GALNT9: variants seen among roughly 807,000 people sequenced by gnomAD.
GALNT9 encodes the protein polypeptide N-acetylgalactosaminyltransferase 9, also known as GalNAc transferase 9.
A neutral mutation model predicts 63.1 loss-of-function variants in GALNT9; 47 were observed. The observed-to-expected ratio is 0.75, with a 90% CI of 0.59 to 0.95. The LOEUF is 0.95. GALNT9 is among the 40% of genes least tolerant of loss of function. The probability of loss-of-function intolerance (pLI) is 0.00; values close to 1 mark genes in which losing one functional copy is unlikely to be tolerated. For missense variants in GALNT9, 829 were observed against 874.8 expected (o/e 0.95, Z 0.66); for synonymous variants, 396 against 365.7 (o/e 1.08, Z -0.94).
In GALNT9 at chr12:132,315,181, G is replaced by A. The variant is rs1288160789; in HGVS notation, c.238+13785C>T. On this transcript the variant is annotated intron_variant, in intron 1 of 10. Coordinates refer to ENST00000328957, the MANE Select transcript of GALNT9 (RefSeq NM_001122636.2). This position sits in a 1 kb window ranked among gnomAD's most constrained non-coding sequence, Gnocchi z 6.1. Reference sequence around the variant, plus strand: ...CATTTTAACCACAAGGCTCTGCACCGAGCAACTAAGATAATCAGGGTGGCC... The same window carrying A: ...CATTTTAACCACAAGGCTCTGCACCAAGCAACTAAGATAATCAGGGTGGCC... Among the ~76,000 whole-genome samples, 3 of 152,192 alleles carry A rather than the reference G, an allele frequency of 2.0e-5. No homozygotes were observed. The highest frequency in any genetic ancestry group is 6.5e-5 in the Admixed American group (1 of 15,284).
At chr12:132,293,505 C>A (rs1372493801) in intron 1 of GALNT9, among the ~76,000 whole-genome samples, 1 of 152,220 alleles carries the variant, frequency 6.6e-6, no homozygotes, top group Non-Finnish European at 1.5e-5. Flanking sequence ...GCATTTCCTG[C>A]GAGGCGTATC....
At chr12:132,269,729 T>G (rs2135550181) in intron 2 of GALNT9, among the ~76,000 whole-genome samples, 2 of 152,314 alleles carry the variant, frequency 1.3e-5, no homozygotes, top group African/African-American at 4.8e-5. Context: ...GGGGCAGGTC[T>G]CAGACGCGTG....
intron 6 of GALNT9, among the ~76,000 whole-genome samples, chr12:132,209,525 GA>G (rs1767569630): frequency 6.6e-6 from 1 of 152,130 alleles, no homozygotes; most frequent in East Asian, 1.9e-4. Flanking sequence ...ACTCCAGCCT[GA>G]GTGACAGAGC....
At chr12:132,243,958 G>T (rs1555237775) in intron 6 of GALNT9, among the ~76,000 whole-genome samples, 1 of 152,044 alleles carries the variant, frequency 6.6e-6, no homozygotes, top group African/African-American at 2.4e-5. Context: ...ACCCTACTGG[G>T]CTCAACAGTA....
rs1380236352 is a variant in GALNT9, at chr12:132,197,237, C to T, written c.1682G>A (p.Ser561Asn). 5.6e-6 allele frequency: 9 copies of T among 1,612,510 alleles called. No individual in the cohort carries two copies. The highest frequency in any genetic ancestry group is 7.6e-6 in the Non-Finnish European group (9 of 1,179,842). The change falls in exon 11 of 11, where the codon AGC becomes AAC. Residue 561 changes from serine to asparagine, a missense_variant. Coordinates refer to ENST00000328957, the MANE Select transcript of GALNT9 (RefSeq NM_001122636.2). ...WDFTQSGPIV[S>N]RATGRCLEVE... is the part of the protein sequence containing the mutation. ...CTCCAGGCAGCGGCCCGTGGCCCGG[C>T]TCACAATGGGGCCACTCTGTGGGGA...
chr12:132,206,603 C>T (rs1876710540), intron 6 of GALNT9, among the ~76,000 whole-genome samples: 1 of 150,836 alleles, frequency 6.6e-6, no homozygotes, highest in East Asian at 1.9e-4. Flanking sequence ...GCTGAGATCA[C>T]ACCACTGCAC....
rs1565998458 is a variant in GALNT9, at chr12:132,246,353, A to G, written c.1077+1557T>C. On this transcript the variant is annotated intron_variant, in intron 6 of 10. Transcript: ENST00000328957. The surrounding 1 kb of genome is among the most constrained non-coding windows in gnomAD (Gnocchi z 4.7). ...CCTTCACAGATCTGGTCTCAATTCA[A>G]TTTATTAAACTAGATATTTTAAAGC... Among the ~76,000 whole-genome samples the G allele has an allele frequency of 6.6e-6, 1 of 152,216 alleles. No individual in the cohort carries two copies. The highest frequency in any genetic ancestry group is 6.5e-5 in the Admixed American group (1 of 15,278).
intron 1 of GALNT9, among the ~76,000 whole-genome samples, chr12:132,297,388 GATAACCAACTCACTCCTACA>G: frequency 6.7e-6 from 1 of 149,896 alleles, no homozygotes; most frequent in African/African-American, 2.5e-5. Flanking sequence ...TCACTCCCAT[GATAACCAACTCACTCCTACA>G]ATAACCAACT....
Position 132,296,377 on chromosome 12 carries a change from C to T in GALNT9, c.239-9947G>A, listed in dbSNP as rs1164121351. Among the ~76,000 whole-genome samples the T allele has an allele frequency of 6.6e-6, 1 of 152,258 alleles. No individual in the cohort carries two copies. Among genetic ancestry groups the T allele is most frequent in the Non-Finnish European group, 1.5e-5 (1 of 68,038 alleles). ...ATGCCCACGCTCACCACCCCATCCA[C>T]TGATGGCCCAGCTGTGGGCTCTTCC... On this transcript the variant is annotated intron_variant, in intron 1 of 10. Transcript: ENST00000328957. The surrounding 1 kb of genome is among the most constrained non-coding windows in gnomAD (Gnocchi z 4.2).
intron 6 of GALNT9, chr12:132,240,822 C>A (rs1440344727): frequency 4.4e-5 from 18 of 413,024 alleles, no homozygotes; most frequent in Non-Finnish European, 7.3e-5. Flanking sequence ...CTTCCCAAGG[C>A]CGTCCCTATA....
chr12:132,301,838 T>C (rs1555243865), intron 1 of GALNT9, among the ~76,000 whole-genome samples: 1 of 152,248 alleles, frequency 6.6e-6, no homozygotes, highest in Non-Finnish European at 1.5e-5. Context: ...TGGAGGGGTC[T>C]GCATTTTGCT....
At chr12:132,212,064 T>C (rs953630543) in intron 6 of GALNT9, among the ~76,000 whole-genome samples, 17 of 152,292 alleles carry the variant, frequency 1.1e-4, no homozygotes, top group African/African-American at 2.9e-4. Flanking sequence ...CAGCCAGGCA[T>C]TGAGAGAAAA....
At chr12:132,221,653 G>A (rs1239744476) in intron 6 of GALNT9, among the ~76,000 whole-genome samples, 2 of 25,762 alleles carry the variant, frequency 7.8e-5, no homozygotes, top group Non-Finnish European at 1.5e-4. Context: ...AGAGTGAGAC[G>A]TTCTCAAAAA....
At chr12:132,208,360 C>T (rs1053294522) in intron 6 of GALNT9, among the ~76,000 whole-genome samples, 12 of 152,244 alleles carry the variant, frequency 7.9e-5, no homozygotes, top group Non-Finnish European at 1.2e-4. Flanking sequence ...TGGCACTCTG[C>T]ACTGAGAGCA....
intron 2 of GALNT9, among the ~76,000 whole-genome samples, chr12:132,272,168 C>T (rs782346571): frequency 5.6e-4 from 85 of 152,354 alleles, no homozygotes; most frequent in Non-Finnish European, 5.6e-4. Context: ...GTGGGCCACG[C>T]CTGCTCATCA....
chr12:132,302,003 C>A (rs917556260), intron 1 of GALNT9, among the ~76,000 whole-genome samples: 1 of 152,098 alleles, frequency 6.6e-6, no homozygotes, highest in Non-Finnish European at 1.5e-5. Flanking sequence ...GAGGGGCTCA[C>A]GTGTTTATCA....
At chr12:132,269,991 GCT>G (rs1354592549) in intron 2 of GALNT9, among the ~76,000 whole-genome samples, 1 of 152,238 alleles carries the variant, frequency 6.6e-6, no homozygotes, top group Non-Finnish European at 1.5e-5. Context: ...TCGGTCTCCA[GCT>G]CTGTCTCAGG....
At chr12:132,326,563 C>CGCTCCT (rs1218767864) in intron 1 of GALNT9, among the ~76,000 whole-genome samples, 10 of 152,326 alleles carry the variant, frequency 6.6e-5, no homozygotes, top group African/African-American at 2.4e-4. Flanking sequence ...GTGGCCCTCC[C>CGCTCCT]GCTCCTCCAG....
At chr12:132,266,542 G>T (rs1879604759) in intron 2 of GALNT9, among the ~76,000 whole-genome samples, 1 of 152,198 alleles carries the variant, frequency 6.6e-6, no homozygotes, top group African/African-American at 2.4e-5. Flanking sequence ...GACTCGAATG[G>T]CACGGCCACG....
Sources: allele counts gnomAD v4.1 joint callset (sites outside exome capture counted in the v4.1 genomes callset), GRCh38; gene constraint gnomAD v4.1.1; non-coding constraint Gnocchi (gnomAD v3.1); transcripts MANE v1.5; gene names NCBI Gene and HGNC (gene_info 2026-07-23, HGNC 2026-07-21).